EBF2: variants seen among roughly 807,000 people sequenced by gnomAD.
EBF2 encodes the protein EBF transcription factor 2, also known as transcription factor COE2.
EBF2 carries 21 observed loss-of-function variants against 72.8 expected under a neutral mutation model. The observed-to-expected ratio is 0.29, with a 90% confidence interval of 0.20 to 0.42. EBF2 has a LOEUF of 0.42. EBF2 is among the 10% of genes least tolerant of loss of function. The pLI is 1.00. For synonymous variants in EBF2, 299 were observed against 274.2 expected, an observed-to-expected ratio of 1.09 and a Z score of -0.89; for missense variants, 637 against 731.2, an observed-to-expected ratio of 0.87 and a Z score of 1.49.
rs1411113363 is a variant in EBF2 at position 26,044,244 on chromosome 8, C to CT, written c.131+484dup. Among the ~76,000 whole-genome samples the CT allele has an allele frequency of 6.6e-6, 1 of 152,200 alleles. No homozygotes were observed. Among genetic ancestry groups the CT allele is most frequent in the Non-Finnish European group, 1.5e-5 (1 of 68,032 alleles). On this transcript the variant is annotated intron_variant, in intron 1 of 15. Coordinates refer to ENST00000520164, the MANE Select transcript of EBF2 (RefSeq NM_022659.4). This position sits in a 1 kb window ranked among gnomAD's most constrained non-coding sequence, Gnocchi z 4.1. The stretch of plus-strand genomic sequence containing the variant: ...CCGCTCCCCTCGCCGCCGCCACCCT[C>CT]TGGCCGCCGGCCTCCCAGGCTCCAG...
In EBF2 at chr8:26,040,040, T is replaced by A; in HGVS notation, c.470A>T (p.Glu157Val). ...PEMCRVLLTH[E>V]VMCSRCCEKK... Reference sequence around the variant, plus strand: ...AGGCGGCTCTTACCTACACATCACTTCGTGCGTCAGGAGAACTCGGCACAT... The same window carrying A: ...AGGCGGCTCTTACCTACACATCACTACGTGCGTCAGGAGAACTCGGCACAT... The change falls in exon 5 of 16, where the codon GAA becomes GTA. Residue 157 changes from glutamate to valine, a missense_variant. By Grantham distance (121) the Glu-to-Val change is moderately radical. Around this residue, in one of 3 missense-constraint regions of EBF2, gnomAD observed 204 missense variants for 301.2 expected, o/e 0.68. Coordinates refer to ENST00000520164, the MANE Select transcript of EBF2 (RefSeq NM_022659.4). 1 of 1,613,944 alleles carries A rather than the reference T, an allele frequency of 6.2e-7. No homozygotes were observed. The highest frequency in any genetic ancestry group is 8.5e-7 in the Non-Finnish European group (1 of 1,179,912).
At chr8:25,921,675 G>T (rs890024628) in intron 6 of EBF2, among the ~76,000 whole-genome samples, 1 of 152,146 alleles carries the variant, frequency 6.6e-6, no homozygotes, top group Non-Finnish European at 1.5e-5. Flanking sequence ...TCTGTTTCAC[G>T]TTTCTTTATT....
chr8:25,982,532 T>A (rs1804378887), intron 6 of EBF2, among the ~76,000 whole-genome samples: 2 of 152,212 alleles, frequency 1.3e-5, no homozygotes, highest in Non-Finnish European at 2.9e-5. Flanking sequence ...AGAGTTTTAA[T>A]GTAAGACTCC....
intron 6 of EBF2, among the ~76,000 whole-genome samples, chr8:25,922,263 C>CA (rs1473192781): frequency 1.6e-4 from 23 of 145,616 alleles, no homozygotes; most frequent in African/African-American, 5.5e-4. Flanking sequence ...AAAAAAAAAA[C>CA]AAACAAAAAA....
At chr8:25,865,404 A>T (rs1297904472) in intron 10 of EBF2, among the ~76,000 whole-genome samples, 1 of 152,100 alleles carries the variant, frequency 6.6e-6, no homozygotes, top group Non-Finnish European at 1.5e-5. Flanking sequence ...TGTTTTACAC[A>T]TCTGTGCAGG....
chr8:25,854,228 C>A (rs563657947), intron 14 of EBF2, among the ~76,000 whole-genome samples: 2 of 125,010 alleles, frequency 1.6e-5, no homozygotes, highest in East Asian at 4.2e-4. Flanking sequence ...CTAATACCAA[C>A]CCCCACCTCC....
At chr8:25,916,591 A>G (rs142194194) in intron 6 of EBF2, among the ~76,000 whole-genome samples, 24 of 152,278 alleles carry the variant, frequency 1.6e-4, no homozygotes, top group African/African-American at 5.5e-4. Context: ...ATATTAATAT[A>G]TACTACACTG....
At chr8:25,916,675 C>A (rs1474415077) in intron 6 of EBF2, among the ~76,000 whole-genome samples, 1 of 152,158 alleles carries the variant, frequency 6.6e-6, no homozygotes, top group Non-Finnish European at 1.5e-5. Flanking sequence ...AATCCACTCT[C>A]ACAGATAGTA....
At chr8:26,011,585 T>C (rs1391047720) in intron 6 of EBF2, among the ~76,000 whole-genome samples, 1 of 151,898 alleles carries the variant, frequency 6.6e-6, no homozygotes, top group Non-Finnish European at 1.5e-5. Flanking sequence ...CAGAGAGACA[T>C]CAGCTAAAAT....
chr8:25,872,881 C>A (rs1802463991), intron 10 of EBF2, among the ~76,000 whole-genome samples: 2 of 152,204 alleles, frequency 1.3e-5, no homozygotes, highest in Admixed American at 6.5e-5. Flanking sequence ...CACAATCTGG[C>A]TTTGGGAGGA....
At chr8:26,016,292 G>C (rs978495187) in intron 6 of EBF2, among the ~76,000 whole-genome samples, 2 of 152,254 alleles carry the variant, frequency 1.3e-5, no homozygotes, top group Non-Finnish European at 1.5e-5. Flanking sequence ...CATCATATTT[G>C]ATTTTAGTGA....
rs7007677 is a variant in EBF2 at position 26,044,985 on chromosome 8, G to A, written c.-126C>T. The A allele has an allele frequency of 0.26, 251,140 of 964,696 alleles. 36,176 individuals are homozygous for A. Among genetic ancestry groups the A allele is most frequent in the African/African-American group, 0.43 (25,911 of 60,370 alleles). The allele number at this position is 964,696 out of a possible 1,614,324, so 59.8% of individuals were successfully genotyped here. ...CCAAGAAAAGGGATCAAGTGCCCAA[G>A]TTTGAGTCTTAGAAAAAAAAAAAAG... On this transcript the variant is annotated 5_prime_UTR_variant, in exon 1 of 16. Coordinates refer to ENST00000520164, the MANE Select transcript of EBF2 (RefSeq NM_022659.4). This position sits in a 1 kb window ranked among gnomAD's most constrained non-coding sequence, Gnocchi z 4.1.
chr8:25,954,946 A>C (rs1585207048), intron 6 of EBF2, among the ~76,000 whole-genome samples: 1 of 152,208 alleles, frequency 6.6e-6, no homozygotes, highest in African/African-American at 2.4e-5. Context: ...GCGGCTGGCT[A>C]GGGACCTGGG....
At chr8:26,030,361 T>C (rs556933177) in intron 6 of EBF2, among the ~76,000 whole-genome samples, 2 of 151,408 alleles carry the variant, frequency 1.3e-5, no homozygotes, top group Non-Finnish European at 2.9e-5. Context: ...GCTTCATCCA[T>C]GTCCCTACAA....
Position 26,044,655 on chromosome 8 carries a change from CGG to C in EBF2, c.131+72_131+73del, listed in dbSNP as rs11135911. On this transcript the variant is annotated intron_variant, in intron 1 of 15. Transcript: ENST00000520164. This position sits in a 1 kb window ranked among gnomAD's most constrained non-coding sequence, Gnocchi z 4.1. ...GGGAGAGAGAAAGGCACGGGGTGCG[CGG>C]GGGGGGTGCACACGGAGAGACAGAC... 2.6e-6 allele frequency: 4 copies of C among 1,540,236 alleles called. No individual in the cohort carries two copies. The highest frequency in any genetic ancestry group is 1.4e-5 in the African/African-American group (1 of 72,848).
intron 5 of EBF2, among the ~76,000 whole-genome samples, chr8:26,034,940 T>C (rs147170751): frequency 7.2e-4 from 110 of 152,316 alleles, no homozygotes; most frequent in African/African-American, 2.5e-3. Context: ...TTTAGTCAAA[T>C]GTCTTTAACC....
chr8:26,023,850 G>C (rs1302216837), intron 6 of EBF2, among the ~76,000 whole-genome samples: 1 of 152,100 alleles, frequency 6.6e-6, no homozygotes, highest in Non-Finnish European at 1.5e-5. Flanking sequence ...GCTGATACCA[G>C]AGTATCTGGC....
At chr8:25,858,143 GC>G (rs1392255840) in intron 14 of EBF2, 175 bp downstream of exon 14, 1 of 827,344 alleles carries the variant, frequency 1.2e-6, no homozygotes, top group Non-Finnish European at 2.0e-6. Flanking sequence ...AACCACGTGA[GC>G]CAAAGTCCAG....
chr8:25,876,583 C>A (rs1227083833), intron 10 of EBF2, among the ~76,000 whole-genome samples: 1 of 152,168 alleles, frequency 6.6e-6, no homozygotes, highest in Non-Finnish European at 1.5e-5. Flanking sequence ...GGCCTATTTC[C>A]TGTGCACCTC....
Sources: allele counts gnomAD v4.1 joint callset (sites outside exome capture counted in the v4.1 genomes callset), GRCh38; gene constraint gnomAD v4.1.1; regional missense constraint gnomAD v4.1.1; non-coding constraint Gnocchi (gnomAD v3.1); transcripts MANE v1.5; gene names NCBI Gene and HGNC (gene_info 2026-07-23, HGNC 2026-07-21).